Variants in NSMCE2 observed in about 807,000 individuals in gnomAD.
NSMCE2 encodes NSE2 SUMO ligase component of SMC5/6 complex.
NSMCE2 carries 24 observed loss-of-function variants against 23.8 expected under a neutral mutation model. The observed-to-expected ratio is 1.01, with a 90% confidence interval of 0.73 to 1.42. The LOEUF (loss-of-function observed/expected upper bound fraction) is 1.42, where lower values mean the gene tolerates loss of function less well. NSMCE2 is among the 40% of genes most tolerant of loss of function. The pLI, the probability that NSMCE2 is intolerant of heterozygous loss-of-function variation, is 0.00. For synonymous variants in NSMCE2, 92 were observed against 94.1 expected, an observed-to-expected ratio of 0.98 and a Z score of 0.13; for missense variants, 284 against 296.5, an observed-to-expected ratio of 0.96 and a Z score of 0.31.
At chr8:125,122,466 T>C (rs1395199353) in intron 3 of NSMCE2, among the ~76,000 whole-genome samples, 1 of 152,210 alleles carries the variant, frequency 6.6e-6, no homozygotes, top group Non-Finnish European at 1.5e-5. Flanking sequence ...CCCCTTATAC[T>C]CTATATACTC....
intron 5 of NSMCE2, among the ~76,000 whole-genome samples, chr8:125,286,555 C>G (rs1827911056): frequency 1.3e-5 from 2 of 152,116 alleles, no homozygotes; most frequent in Non-Finnish European, 2.9e-5. Flanking sequence ...TCAAGTGATG[C>G]TCCTGCCTCG....
At chr8:125,125,676 G>A (rs1819483885) in intron 3 of NSMCE2, among the ~76,000 whole-genome samples, 1 of 152,204 alleles carries the variant, frequency 6.6e-6, no homozygotes, top group Admixed American at 6.5e-5. Context: ...GATGAGAAGA[G>A]CTGTGAGCAG....
At chr8:125,108,462 T>C (rs1217421869) in intron 3 of NSMCE2, among the ~76,000 whole-genome samples, 2 of 152,232 alleles carry the variant, frequency 1.3e-5, no homozygotes, top group African/African-American at 4.8e-5. Flanking sequence ...TGCTATTGGG[T>C]CCAGTCCTAA....
chr8:125,106,691 A>G (rs904254810), intron 3 of NSMCE2, among the ~76,000 whole-genome samples: 83 of 150,882 alleles, frequency 5.5e-4, no homozygotes, highest in Non-Finnish European at 9.0e-4. Context: ...TCTCAAAAAA[A>G]AAAAACAAAC....
intron 3 of NSMCE2, among the ~76,000 whole-genome samples, chr8:125,141,680 C>T (rs1405421322): frequency 1.3e-5 from 2 of 152,116 alleles, no homozygotes; most frequent in South Asian, 2.1e-4. Context: ...TTTGTTTGAC[C>T]ATTTTAACTC....
chr8:125,097,158 A>G (rs1029584539), intron 1 of NSMCE2, among the ~76,000 whole-genome samples: 1 of 152,002 alleles, frequency 6.6e-6, no homozygotes, highest in Non-Finnish European at 1.5e-5. Context: ...TCCTGTTTGT[A>G]TTTTTTCTTT....
chr8:125,346,268 A>T (rs577027771), intron 5 of NSMCE2, among the ~76,000 whole-genome samples: 8 of 152,228 alleles, frequency 5.3e-5, no homozygotes, highest in Middle Eastern at 3.2e-3. Flanking sequence ...CAGTAATCCA[A>T]ATTGGAAATG....
At chr8:125,170,834 C>G (rs1350631018) in intron 4 of NSMCE2, among the ~76,000 whole-genome samples, 1 of 152,162 alleles carries the variant, frequency 6.6e-6, no homozygotes, top group Non-Finnish European at 1.5e-5. Flanking sequence ...CTACTGACTG[C>G]TCTCCTGCTT....
intron 2 of NSMCE2, 39 bp downstream of exon 2, chr8:125,102,185 A>G: frequency 1.5e-6 from 1 of 662,776 alleles, no homozygotes; most frequent in Non-Finnish European, 2.6e-6. Context: ...TCTATAGGAT[A>G]TACAGAATAG....
At chr8:125,284,482 C>T (rs187457600) in intron 5 of NSMCE2, among the ~76,000 whole-genome samples, 5 of 152,270 alleles carry the variant, frequency 3.3e-5, no homozygotes, top group Admixed American at 6.5e-5. Context: ...CTATCCTTAT[C>T]GAGGATTGTT....
At position 125,099,511 on chromosome 8, in the gene NSMCE2, C is replaced by G. The variant is rs561383854; in HGVS notation, c.-110-2540C>G. Among the ~76,000 whole-genome samples the G allele has an allele frequency of 2.6e-5, 4 of 151,808 alleles. No homozygotes were observed. In the East Asian group the frequency reaches 5.8e-4, roughly 22 times the overall value. On this transcript the variant is annotated intron_variant, in intron 1 of 7. Coordinates refer to ENST00000287437, the MANE Select transcript of NSMCE2 (RefSeq NM_173685.4). ...CTGGGACCCTACAACATATGGAGCT[C>G]AAGGAGATGGAGAGGAAACAGAAAG...
At chr8:125,166,588 G>A (rs987361329) in intron 4 of NSMCE2, among the ~76,000 whole-genome samples, 3 of 152,114 alleles carry the variant, frequency 2.0e-5, no homozygotes, top group Admixed American at 2.0e-4. Flanking sequence ...TTTTAAAATG[G>A]ATGCTTAGCA....
intron 5 of NSMCE2, among the ~76,000 whole-genome samples, chr8:125,352,125 C>T (rs534483607): frequency 1.4e-3 from 214 of 152,208 alleles, no homozygotes; most frequent in African/African-American, 5.0e-3. Context: ...ATGTATATGA[C>T]GTGCTTAGCA....
intron 5 of NSMCE2, among the ~76,000 whole-genome samples, chr8:125,213,820 T>A (rs1824462818): frequency 6.6e-6 from 1 of 151,906 alleles, no homozygotes; most frequent in South Asian, 2.1e-4. Flanking sequence ...TCACACAGTG[T>A]TGGGATTTGT....
intron 5 of NSMCE2, among the ~76,000 whole-genome samples, chr8:125,252,812 G>A (rs1370333931): frequency 6.6e-6 from 1 of 152,214 alleles, no homozygotes; most frequent in Non-Finnish European, 1.5e-5. Context: ...TAGATTAAAT[G>A]AATGGTTATC....
chr8:125,289,626 T>G (rs1340501663), intron 5 of NSMCE2, among the ~76,000 whole-genome samples: 1 of 152,252 alleles, frequency 6.6e-6, no homozygotes, highest in African/African-American at 2.4e-5. Context: ...GTGTCTGACA[T>G]GGCTCTGCTT....
At chr8:125,365,337 C>G (rs1173542462) in intron 7 of NSMCE2, among the ~76,000 whole-genome samples, 1 of 152,180 alleles carries the variant, frequency 6.6e-6, no homozygotes, top group Non-Finnish European at 1.5e-5. Context: ...CCTATAGGTT[C>G]TATGGTCAAG....
chr8:125,117,682 A>T (rs1819081064), intron 3 of NSMCE2, among the ~76,000 whole-genome samples: 1 of 151,966 alleles, frequency 6.6e-6, no homozygotes, highest in African/African-American at 2.4e-5. Context: ...TCCCCAGCTA[A>T]TTTTTTTATT....
chr8:125,280,409 G>A (rs556320024), intron 5 of NSMCE2, among the ~76,000 whole-genome samples: 39 of 152,244 alleles, frequency 2.6e-4, no homozygotes, highest in African/African-American at 9.4e-4. Flanking sequence ...ATGTTCTATG[G>A]TTGCAACATC....
Sources: gnomAD v4.1 joint callset for allele counts (sites outside exome capture counted in the v4.1 genomes callset) on GRCh38, gnomAD v4.1.1 for gene constraint, MANE v1.5 for transcripts, NCBI Gene and HGNC (gene_info 2026-07-23, HGNC 2026-07-21) for gene names.